HCN1: variants seen among roughly 807,000 people sequenced by gnomAD.
HCN1 encodes the protein potassium/sodium hyperpolarization-activated cyclic nucleotide-gated channel 1.
HCN1 carries 13 observed loss-of-function variants against 78.9 expected under a neutral mutation model. The ratio of observed to expected loss-of-function variants is 0.16; its 90% CI spans 0.11 to 0.26. The LOEUF (loss-of-function observed/expected upper bound fraction) is 0.26. Ranked by LOEUF, HCN1 falls within the 10% of genes least tolerant of loss-of-function variation. The probability of loss-of-function intolerance (pLI) is 1.00; values close to 1 mark genes in which losing one functional copy is unlikely to be tolerated. For synonymous variants in HCN1, 552 were observed against 455.5 expected (o/e 1.21, Z -2.70); for missense variants, 810 against 1,154.3 (o/e 0.70, Z 4.32).
At chr5:45,522,702 T>G (rs538965697) in intron 2 of HCN1, among the ~76,000 whole-genome samples, 1 of 151,946 alleles carries the variant, frequency 6.6e-6, no homozygotes, top group African/African-American at 2.4e-5. Context: ...ACGACAACTC[T>G]GCTTTGAATT....
chr5:45,484,524 C>G (rs1741721033), intron 2 of HCN1, among the ~76,000 whole-genome samples: 1 of 152,118 alleles, frequency 6.6e-6, no homozygotes. Context: ...AAGAGGGGGT[C>G]CCCTTGCCCT....
intron 3 of HCN1, among the ~76,000 whole-genome samples, chr5:45,411,469 ATATTCAATCATAG>A (rs749110101): frequency 3.9e-5 from 6 of 151,938 alleles, no homozygotes; most frequent in Non-Finnish European, 8.8e-5. Context: ...AAAAAAATGC[ATATTCAATCATAG>A]TATTACTAGT....
chr5:45,449,731 C>A (rs13175111), intron 3 of HCN1, among the ~76,000 whole-genome samples: 1 of 151,974 alleles, frequency 6.6e-6, no homozygotes, highest in African/African-American at 2.4e-5. Flanking sequence ...AAAAATGTAT[C>A]TCAATAATAA....
At position 45,372,218 on chromosome 5, in the gene HCN1, AAT is replaced by A. The variant is rs1486793152; in HGVS notation, c.1231-18974_1231-18973del. Among the ~76,000 whole-genome samples, 6 of 71,316 alleles carry A rather than the reference AAT, an allele frequency of 8.4e-5. No individual in the cohort carries two copies. The East Asian group carries it at 1.6e-3, about 19-fold the overall frequency. The allele number at this position is 71,316 out of a possible 152,430, so 46.8% of individuals were successfully genotyped here. A position where few individuals can be genotyped will look rare whatever the true frequency, so the allele number is the denominator to read the frequency against. ...TAATATAATACATATTATATAATAT[AAT>A]ATATATAATATATATTATATTTTAT... On this transcript the variant is annotated intron_variant, in intron 4 of 7. Coordinates refer to ENST00000303230, the MANE Select transcript of HCN1 (RefSeq NM_021072.4).
intron 2 of HCN1, among the ~76,000 whole-genome samples, chr5:45,614,115 G>GT (rs1744897646): frequency 6.6e-6 from 1 of 152,102 alleles, no homozygotes. Flanking sequence ...ATGGACATCT[G>GT]TTGTTCATGT....
chr5:45,632,382 CTG>C, intron 2 of HCN1, among the ~76,000 whole-genome samples: 1 of 151,956 alleles, frequency 6.6e-6, no homozygotes, highest in South Asian at 2.1e-4. Context: ...TGCTGACAAA[CTG>C]TTAGCAAATC....
At chr5:45,528,952 A>C (rs1347045799) in intron 2 of HCN1, among the ~76,000 whole-genome samples, 1 of 152,024 alleles carries the variant, frequency 6.6e-6, no homozygotes, top group East Asian at 1.9e-4. Flanking sequence ...GGAATTCAAA[A>C]GTTTAATAGA....
In HCN1 at chr5:45,683,131, TTTTTA is replaced by T. The variant is rs202241130; in HGVS notation, c.425+12533_425+12537del. Among the ~76,000 whole-genome samples, 655 of 137,324 alleles carry T rather than the reference TTTTTA, an allele frequency of 4.8e-3. 2 individuals are homozygous for T. The highest frequency in any genetic ancestry group is 0.011 in the Middle Eastern group (3 of 276). 90.1% of individuals were successfully genotyped at this position (137,324 alleles called of 152,430 possible). On this transcript the variant is annotated intron_variant, in intron 1 of 7. Transcript: ENST00000303230. Reference sequence around the variant, plus strand: ...TATTTTTACCATTTATAAATTAATTTTTTTATTTTTTTTTACCATTTATAAATTTA... The same window carrying T: ...TATTTTTACCATTTATAAATTAATTTTTTTTTTTTACCATTTATAAATTTA...
intron 3 of HCN1, among the ~76,000 whole-genome samples, chr5:45,458,934 A>G (rs1741086197): frequency 6.6e-6 from 1 of 152,024 alleles, no homozygotes; most frequent in African/African-American, 2.4e-5. Context: ...CTCCATTATA[A>G]CTCCTTGTGC....
chr5:45,619,851 A>C (rs1340826522), intron 2 of HCN1, among the ~76,000 whole-genome samples: 2 of 152,090 alleles, frequency 1.3e-5, no homozygotes, highest in African/African-American at 2.4e-5. Flanking sequence ...GGTGGTAGAG[A>C]TTAATTTCTC....
At chr5:45,620,312 T>C (rs924291320) in intron 2 of HCN1, among the ~76,000 whole-genome samples, 2 of 152,024 alleles carry the variant, frequency 1.3e-5, no homozygotes, top group African/African-American at 4.8e-5. Flanking sequence ...GTGTAGCTAG[T>C]GTTGTACTAA....
intron 3 of HCN1, among the ~76,000 whole-genome samples, chr5:45,409,791 T>C (rs577600523): frequency 5.3e-4 from 80 of 151,944 alleles, no homozygotes; most frequent in African/African-American, 1.9e-3. Flanking sequence ...TTTATCCTTT[T>C]TATAAGTACA....
intron 2 of HCN1, among the ~76,000 whole-genome samples, chr5:45,612,269 G>A (rs1463424984): frequency 6.6e-6 from 1 of 151,978 alleles, no homozygotes; most frequent in Non-Finnish European, 1.5e-5. Flanking sequence ...GATTTTAAGT[G>A]TCTTCCAAAC....
intron 4 of HCN1, among the ~76,000 whole-genome samples, chr5:45,371,945 A>G (rs1160331444): frequency 1.7e-4 from 17 of 99,520 alleles, no homozygotes; most frequent in African/African-American, 5.0e-4. Flanking sequence ...TATATAATAT[A>G]TAATATAATA....
chr5:45,409,700 C>A (rs1014808034), intron 3 of HCN1, among the ~76,000 whole-genome samples: 2 of 151,848 alleles, frequency 1.3e-5, no homozygotes, highest in Non-Finnish European at 2.9e-5. Context: ...AAAATAGTGG[C>A]ACATTAAATA....
At chr5:45,682,782 A>G (rs1222294058) in intron 1 of HCN1, among the ~76,000 whole-genome samples, 1 of 152,132 alleles carries the variant, frequency 6.6e-6, no homozygotes, top group Non-Finnish European at 1.5e-5. Context: ...AAAGGCAGAG[A>G]TATGAGAAAT....
chr5:45,415,864 A>G (rs775030141), intron 3 of HCN1, among the ~76,000 whole-genome samples: 38 of 152,032 alleles, frequency 2.5e-4, no homozygotes, highest in Non-Finnish European at 4.1e-4. Context: ...GATTGATATG[A>G]GTGGTATCTA....
chr5:45,532,035 G>A (rs111292844), intron 2 of HCN1, among the ~76,000 whole-genome samples: 6,939 of 152,176 alleles, frequency 0.046, 561 homozygotes, highest in African/African-American at 0.16. Context: ...GCAAGACTCC[G>A]TCTCAAAATA....
At chr5:45,584,150 T>A (rs947933256) in intron 2 of HCN1, among the ~76,000 whole-genome samples, 43 of 152,154 alleles carry the variant, frequency 2.8e-4, no homozygotes, top group African/African-American at 9.2e-4. Flanking sequence ...CCCATTATTA[T>A]TGTGTGGGAG....
Sources: allele counts gnomAD v4.1 joint callset (sites outside exome capture counted in the v4.1 genomes callset), GRCh38; gene constraint gnomAD v4.1.1; transcripts MANE v1.5; gene names NCBI Gene and HGNC (gene_info 2026-07-23, HGNC 2026-07-21).